The following APPL2 variants were observed in gnomAD, a reference collection of about 807,000 sequenced individuals.
APPL2 encodes adaptor protein, phosphotyrosine interacting with PH domain and leucine zipper 2, also known as DCC-interacting protein 13-beta.
In APPL2, 84 loss-of-function variants were observed where a neutral mutation model predicts 92.7. That is an observed-to-expected ratio of 0.91 (90% CI 0.76 to 1.09). The LOEUF is 1.09. Ranked by LOEUF, APPL2 falls within the 50% of genes least tolerant of loss-of-function variation. The pLI is 0.00. For synonymous variants in APPL2, 291 were observed against 291.0 expected (o/e 1.00, Z 0.00); for missense variants, 736 against 824.5 (o/e 0.89, Z 1.31).
chr12:105,200,995 G>A lies in APPL2; in HGVS notation c.705-1464C>T, dbSNP rs1366807760. Among the ~76,000 whole-genome samples, 8 of 152,018 alleles carry A rather than the reference G, an allele frequency of 5.3e-5. No individual in the cohort carries two copies. The South Asian group carries it at 6.2e-4, about 12-fold the overall frequency. On this transcript the variant is annotated intron_variant, in intron 9 of 20. Coordinates refer to ENST00000258530, the MANE Select transcript of APPL2 (RefSeq NM_018171.5). ...ATGATCTTCGCTCACTACAACCTCC[G>A]CCTCCTGGGTTCAAGCGATTCCCAT...
chr12:105,231,901 CT>C (rs1412072021), intron 1 of APPL2, among the ~76,000 whole-genome samples: 2 of 152,186 alleles, frequency 1.3e-5, no homozygotes, highest in Non-Finnish European at 2.9e-5. Flanking sequence ...TCTGCTCAAA[CT>C]TTGGTTTGGA....
chr12:105,210,135 T>C (rs1889091240), intron 5 of APPL2, among the ~76,000 whole-genome samples: 1 of 151,980 alleles, frequency 6.6e-6, no homozygotes. Flanking sequence ...TAATTTTTTA[T>C]AGTTTTAGTA....
rs1199164929 is a variant in APPL2, at chr12:105,176,993, T to C, written c.1695A>G (p.Gln565=). ...RANFELTSVT[Q]FAAHQENKRL... ...TCTTGTTTTCTTGATGAGCAGCAAATTGTGTGACACTGGTAAGTTCAAACT... is the reference window on the plus strand; with the variant it reads ...TCTTGTTTTCTTGATGAGCAGCAAACTGTGTGACACTGGTAAGTTCAAACT... Residue 565 remains glutamine, a synonymous_variant, in exon 19 of 21, where the codon CAA becomes CAG. Coordinates refer to ENST00000258530, the MANE Select transcript of APPL2 (RefSeq NM_018171.5). 1 of 1,614,074 alleles carries C rather than the reference T, an allele frequency of 6.2e-7. No homozygotes were observed. The highest frequency in any genetic ancestry group is 1.1e-5 in the South Asian group (1 of 91,078).
intron 1 of APPL2, among the ~76,000 whole-genome samples, chr12:105,234,609 A>G (rs1017459584): frequency 6.6e-6 from 1 of 152,216 alleles, no homozygotes; most frequent in Non-Finnish European, 1.5e-5. Flanking sequence ...GAAAAGCAGG[A>G]TATTTCTGTG....
intron 14 of APPL2, among the ~76,000 whole-genome samples, chr12:105,190,912 A>AT (rs1887139807): frequency 6.6e-6 from 1 of 152,232 alleles, no homozygotes; most frequent in African/African-American, 2.4e-5. Context: ...GAATACTGTA[A>AT]TTTAACTTTT....
At chr12:105,192,279 G>C (rs188414994) in intron 14 of APPL2, among the ~76,000 whole-genome samples, 2 of 152,078 alleles carry the variant, frequency 1.3e-5, no homozygotes, top group Admixed American at 6.5e-5. Context: ...ATCTTCTCTT[G>C]GGCTGTTGGG....
At chr12:105,224,400 T>G (rs918082286) in intron 2 of APPL2, among the ~76,000 whole-genome samples, 4 of 152,238 alleles carry the variant, frequency 2.6e-5, no homozygotes, top group Admixed American at 2.6e-4. Flanking sequence ...ACAAGGGTGG[T>G]TCTTCCATGA....
At position 105,235,941 on chromosome 12, in the gene APPL2, C is replaced by T; in HGVS notation, c.54+18G>A. The stretch of plus-strand genomic sequence containing the variant: ...CCTCACCCCTGCGGGCGAGGGGCAC[C>T]GGAGCGGCGGGAGGTACCTGGGGGC... On this transcript the variant is annotated intron_variant, in intron 1 of 20. Transcript: ENST00000258530. The T allele has an allele frequency of 8.1e-7, 1 of 1,240,916 alleles. No homozygotes were observed. Among genetic ancestry groups the T allele is most frequent in the Admixed American group, 4.2e-5 (1 of 23,664 alleles). The allele number at this position is 1,240,916 out of a possible 1,614,324, so 76.9% of individuals were successfully genotyped here. A position where few individuals can be genotyped will look rare whatever the true frequency, so the allele number is the denominator to read the frequency against.
At chr12:105,191,691 C>T (rs994429128) in intron 14 of APPL2, among the ~76,000 whole-genome samples, 1 of 152,164 alleles carries the variant, frequency 6.6e-6, no homozygotes, top group Admixed American at 6.5e-5. Flanking sequence ...TCCATGTCAT[C>T]AGCTCTAATG....
At chr12:105,226,432 G>T (rs1025812195) in intron 2 of APPL2, among the ~76,000 whole-genome samples, 3 of 152,136 alleles carry the variant, frequency 2.0e-5, no homozygotes, top group Non-Finnish European at 4.4e-5. Flanking sequence ...CATATGCTGC[G>T]CATTAAAAGC....
At chr12:105,176,695 A>T in intron 19 of APPL2, 181 bp downstream of exon 19, 1 of 732,980 alleles carries the variant, frequency 1.4e-6, no homozygotes, top group Non-Finnish European at 2.1e-6. Flanking sequence ...GGTATTTTCC[A>T]CAGAGAAATT....
chr12:105,177,272 TAA>T lies in APPL2; in HGVS notation c.1635-12_1635-11del. On this transcript the variant is annotated splice_polypyrimidine_tract_variant and intron_variant, in intron 17 of 20. Transcript: ENST00000258530. Reference sequence around the variant, plus strand: ...CTGTGGATCTATCAACCTGAAATTTTAAAAGATACATTATGTCACAAATGTTG... The same window carrying T: ...CTGTGGATCTATCAACCTGAAATTTTAAGATACATTATGTCACAAATGTTG... 2 of 1,612,008 alleles carry T rather than the reference TAA, an allele frequency of 1.2e-6. No individual in the cohort carries two copies. The highest frequency in any genetic ancestry group is 8.5e-7 in the Non-Finnish European group (1 of 1,178,154).
chr12:105,178,293 A>C (rs1442493127), intron 17 of APPL2, among the ~76,000 whole-genome samples: 1 of 152,216 alleles, frequency 6.6e-6, no homozygotes, highest in Non-Finnish European at 1.5e-5. Flanking sequence ...AAGCAAAAAT[A>C]TAGTTTGTGG....
intron 17 of APPL2, among the ~76,000 whole-genome samples, chr12:105,178,223 C>G (rs930963224): frequency 6.6e-6 from 1 of 151,958 alleles, no homozygotes; most frequent in Non-Finnish European, 1.5e-5. Context: ...CTGTATTGTA[C>G]TCGTGTTGGA....
intron 20 of APPL2, among the ~76,000 whole-genome samples, 185 bp downstream of exon 20, chr12:105,175,850 G>A (rs1348397083): frequency 6.6e-6 from 1 of 152,234 alleles, no homozygotes; most frequent in African/African-American, 2.4e-5. Context: ...AAGTCCTCAT[G>A]TGTTAACAGT....
At position 105,229,143 on chromosome 12, in the gene APPL2, C is replaced by T; in HGVS notation, c.135G>A (p.Gln45=). 6.2e-7 allele frequency: 1 copy of T among 1,612,410 alleles called. No homozygotes were observed. Among genetic ancestry groups the T allele is most frequent in the Non-Finnish European group, 8.5e-7 (1 of 1,179,442 alleles). ...AGCATACCTGGGCTCCATAGACGCG[C>T]TGCATTGCCTGGAGCAGCTGGTTGG... The part of the protein sequence containing the change: ...DYTNQLLQAM[Q]RVYGAQNEMC... The change falls in exon 2 of 21, where the codon CAG becomes CAA. Residue 45 remains glutamine, a synonymous_variant. Coordinates refer to ENST00000258530, the MANE Select transcript of APPL2 (RefSeq NM_018171.5).
chr12:105,220,424 G>A (rs1890011613), intron 2 of APPL2, among the ~76,000 whole-genome samples: 1 of 152,200 alleles, frequency 6.6e-6, no homozygotes, highest in Non-Finnish European at 1.5e-5. Context: ...TGGCCCAAGA[G>A]CCATGGATTA....
In APPL2 at chr12:105,192,969, C is replaced by A. The variant is rs76781323; in HGVS notation, c.1241+2292G>T. Among the ~76,000 whole-genome samples the A allele has an allele frequency of 4.6e-5, 7 of 152,300 alleles. No homozygotes were observed. The South Asian group carries it at 8.3e-4, about 18-fold the overall frequency. Reference sequence around the variant, plus strand: ...CACAATTTCTCTGATTCTTTCCCCCCCCACTGTCATCAAAACATTGCTTTA... The same window carrying A: ...CACAATTTCTCTGATTCTTTCCCCCACCACTGTCATCAAAACATTGCTTTA... On this transcript the variant is annotated intron_variant, in intron 14 of 20. Coordinates refer to ENST00000258530, the MANE Select transcript of APPL2 (RefSeq NM_018171.5).
chr12:105,207,871 A>G, intron 7 of APPL2, 100 bp downstream of exon 7: 2 of 1,112,986 alleles, frequency 1.8e-6, no homozygotes, highest in Middle Eastern at 2.5e-4. Context: ...GTTAAAAAAA[A>G]AAATAACCAC....
Sources: allele counts gnomAD v4.1 joint callset (sites outside exome capture counted in the v4.1 genomes callset), GRCh38; gene constraint gnomAD v4.1.1; transcripts MANE v1.5; gene names NCBI Gene and HGNC (gene_info 2026-07-23, HGNC 2026-07-21).